The following TMEM132D variants were observed in gnomAD, a reference collection of about 807,000 sequenced individuals.
TMEM132D encodes the protein mature OL transmembrane protein.
Under a neutral mutation model 62.3 loss-of-function variants are expected in TMEM132D, and 21 were observed. That is an observed-to-expected ratio of 0.34 (90% CI 0.24 to 0.49). TMEM132D has a LOEUF of 0.49. Ranked by LOEUF, TMEM132D falls within the 20% of genes least tolerant of loss-of-function variation. TMEM132D has a pLI of 0.99. For missense variants in TMEM132D, 1,346 were observed against 1,402.8 expected (o/e 0.96, Z 0.65); for synonymous variants, 621 against 575.6 (o/e 1.08, Z -1.13).
At chr12:129,464,753 C>G (rs920442168) in intron 3 of TMEM132D, among the ~76,000 whole-genome samples, 19 of 152,040 alleles carry the variant, frequency 1.2e-4, no homozygotes, top group Non-Finnish European at 2.5e-4. Context: ...GCTTGTTTTT[C>G]TCGGGTTTGT....
intron 5 of TMEM132D, among the ~76,000 whole-genome samples, chr12:129,114,398 TTCCC>T (rs1875822013): frequency 6.9e-6 from 1 of 144,412 alleles, no homozygotes; most frequent in African/African-American, 2.6e-5. Context: ...CCTTCCTTCC[TTCCC>T]TCCTTCCCTC....
intron 1 of TMEM132D, among the ~76,000 whole-genome samples, chr12:129,892,273 A>G (rs1269156266): frequency 6.6e-6 from 1 of 152,202 alleles, no homozygotes; most frequent in African/African-American, 2.4e-5. Flanking sequence ...GGCCCAAGAA[A>G]ATTTTCTCCA....
chr12:129,434,019 T>C (rs368550537), intron 3 of TMEM132D, among the ~76,000 whole-genome samples: 1 of 152,186 alleles, frequency 6.6e-6, no homozygotes, highest in Non-Finnish European at 1.5e-5. Context: ...AGAAGAGAAG[T>C]GTCACTAGGG....
intron 2 of TMEM132D, among the ~76,000 whole-genome samples, chr12:129,668,079 T>G (rs1237943923): frequency 6.6e-6 from 1 of 151,380 alleles, no homozygotes; most frequent in Non-Finnish European, 1.5e-5. Context: ...CTAATAATAC[T>G]GGAGATTGTG....
At chr12:129,754,912 A>G (rs1870116639) in intron 1 of TMEM132D, among the ~76,000 whole-genome samples, 1 of 152,204 alleles carries the variant, frequency 6.6e-6, no homozygotes, top group Non-Finnish European at 1.5e-5. Context: ...ATGGGTTTGG[A>G]AAAGGCCACC....
intron 4 of TMEM132D, among the ~76,000 whole-genome samples, chr12:129,253,487 G>A (rs1397210386): frequency 6.6e-6 from 1 of 152,048 alleles, no homozygotes; most frequent in Non-Finnish European, 1.5e-5. Flanking sequence ...AGAAAATAGC[G>A]TCTTAGAAAA....
intron 1 of TMEM132D, among the ~76,000 whole-genome samples, chr12:129,814,730 G>A (rs528266927): frequency 2.0e-5 from 3 of 151,332 alleles, no homozygotes; most frequent in African/African-American, 7.3e-5. Context: ...GCTGTCAACC[G>A]CTCTACTAAC....
At chr12:129,395,404 CTT>C (rs1475084410) in intron 3 of TMEM132D, among the ~76,000 whole-genome samples, 1 of 151,980 alleles carries the variant, frequency 6.6e-6, no homozygotes, top group East Asian at 1.9e-4. Context: ...TAATTGTGGT[CTT>C]GATGCCCAAT....
At chr12:129,540,747 C>G (rs879894387) in intron 2 of TMEM132D, among the ~76,000 whole-genome samples, 2 of 152,206 alleles carry the variant, frequency 1.3e-5, no homozygotes, top group Admixed American at 1.3e-4. Context: ...ACCTTGGCCT[C>G]CTAAAGTAAC....
chr12:129,610,954 C>T (rs1409805954), intron 2 of TMEM132D, among the ~76,000 whole-genome samples: 1 of 152,106 alleles, frequency 6.6e-6, no homozygotes, highest in Non-Finnish European at 1.5e-5. Flanking sequence ...CAGAGGGAAG[C>T]GTGCATTCAC....
At chr12:129,091,152 CCTTA>C (rs1874896870) in intron 5 of TMEM132D, among the ~76,000 whole-genome samples, 1 of 152,194 alleles carries the variant, frequency 6.6e-6, no homozygotes, top group African/African-American at 2.4e-5. Flanking sequence ...TCTCTGAAGA[CCTTA>C]CTTATGCTCA....
chr12:129,790,303 T>C (rs1188397353), intron 1 of TMEM132D, among the ~76,000 whole-genome samples: 1 of 152,168 alleles, frequency 6.6e-6, no homozygotes, highest in Non-Finnish European at 1.5e-5. Flanking sequence ...GGGTCAAGTG[T>C]GGCAGTCTTT....
At chr12:129,251,682 G>C (rs150679205) in intron 4 of TMEM132D, among the ~76,000 whole-genome samples, 4 of 152,182 alleles carry the variant, frequency 2.6e-5, no homozygotes, top group African/African-American at 9.6e-5. Flanking sequence ...CTCTTCTTTC[G>C]GGCCACAAAG....
chr12:129,299,927 A>C (rs570012038), intron 4 of TMEM132D, among the ~76,000 whole-genome samples: 1 of 152,198 alleles, frequency 6.6e-6, no homozygotes, highest in Non-Finnish European at 1.5e-5. Flanking sequence ...GACCTCAAGG[A>C]CTTCCCTTGT....
intron 4 of TMEM132D, among the ~76,000 whole-genome samples, chr12:129,271,918 A>G (rs774750016): frequency 6.6e-6 from 1 of 151,848 alleles, no homozygotes; most frequent in Non-Finnish European, 1.5e-5. Flanking sequence ...TCCTTTGGGT[A>G]TATACCCCAT....
At chr12:129,332,483 A>G (rs867860471) in intron 4 of TMEM132D, among the ~76,000 whole-genome samples, 1 of 152,306 alleles carries the variant, frequency 6.6e-6, no homozygotes, top group African/African-American at 2.4e-5. Context: ...CAAAGAATGG[A>G]GAGGCCACCA....
intron 1 of TMEM132D, among the ~76,000 whole-genome samples, chr12:129,898,174 C>T (rs1257196898): frequency 8.5e-5 from 13 of 152,282 alleles, no homozygotes; most frequent in South Asian, 2.1e-4. Context: ...TTTCCTGCGG[C>T]GCTCTGAATT....
chr12:129,366,670 G>A (rs1870424170), intron 3 of TMEM132D, among the ~76,000 whole-genome samples: 1 of 152,258 alleles, frequency 6.6e-6, no homozygotes, highest in African/African-American at 2.4e-5. Flanking sequence ...CCTGTCCTAA[G>A]ACGTGATTTG....
At chr12:129,447,296 T>G (rs1354779506) in intron 3 of TMEM132D, among the ~76,000 whole-genome samples, 2 of 152,232 alleles carry the variant, frequency 1.3e-5, no homozygotes, top group African/African-American at 4.8e-5. Flanking sequence ...TAACTGACAC[T>G]ATTATGCAAA....
Sources: allele counts gnomAD v4.1 joint callset (sites outside exome capture counted in the v4.1 genomes callset), GRCh38; gene constraint gnomAD v4.1.1; transcripts MANE v1.5; gene names NCBI Gene and HGNC (gene_info 2026-07-23, HGNC 2026-07-21).